Variants in ERBIN observed in about 807,000 individuals in gnomAD.
ERBIN encodes the protein densin-180-like protein.
Under a neutral mutation model 158.4 loss-of-function variants are expected in ERBIN, and 60 were observed. That is an observed-to-expected ratio of 0.38 (90% CI 0.31 to 0.47). The LOEUF (loss-of-function observed/expected upper bound fraction) is 0.47. ERBIN is among the 20% of genes least tolerant of loss of function. The pLI is 0.99. For synonymous variants in ERBIN, 594 were observed against 557.2 expected (o/e 1.07, Z -0.93); for missense variants, 1,610 against 1,648.0 (o/e 0.98, Z 0.40).
At chr5:65,944,760 TA>T (rs1420118863) in intron 1 of ERBIN, among the ~76,000 whole-genome samples, 5 of 152,218 alleles carry the variant, frequency 3.3e-5, no homozygotes, top group Non-Finnish European at 7.3e-5. Flanking sequence ...TCTTTATATG[TA>T]CTTTTTGGCT....
intron 21 of ERBIN, among the ~76,000 whole-genome samples, chr5:66,061,130 A>G (rs1760246227): frequency 6.6e-6 from 1 of 152,098 alleles, no homozygotes; most frequent in African/African-American, 2.4e-5. Flanking sequence ...GATCTGTCTA[A>G]TGTTGACAGT....
At chr5:66,017,408 T>A (rs1259199295) in intron 7 of ERBIN, among the ~76,000 whole-genome samples, 1 of 152,094 alleles carries the variant, frequency 6.6e-6, no homozygotes, top group Non-Finnish European at 1.5e-5. Context: ...TGATATTTCA[T>A]TGTAGTTTTC....
At chr5:65,983,395 ATTAC>A (rs1750860830) in intron 1 of ERBIN, among the ~76,000 whole-genome samples, 2 of 151,924 alleles carry the variant, frequency 1.3e-5, no homozygotes, top group African/African-American at 4.8e-5. Context: ...TAATTTTTTC[ATTAC>A]TTAAGTTCAA....
At chr5:65,958,295 C>T (rs865855115) in intron 1 of ERBIN, among the ~76,000 whole-genome samples, 8 of 152,120 alleles carry the variant, frequency 5.3e-5, no homozygotes, top group Non-Finnish European at 1.0e-4. Flanking sequence ...TTGTCGCAAG[C>T]CGAGATCACG....
chr5:66,057,798 G>A (rs987992770), intron 21 of ERBIN, among the ~76,000 whole-genome samples: 4 of 149,356 alleles, frequency 2.7e-5, no homozygotes, highest in Admixed American at 1.3e-4. Context: ...GAGAACATGC[G>A]GTGTTTGGTT....
At chr5:65,985,391 G>A (rs1474604278) in intron 1 of ERBIN, among the ~76,000 whole-genome samples, 2 of 152,172 alleles carry the variant, frequency 1.3e-5, no homozygotes, top group Admixed American at 6.5e-5. Flanking sequence ...CGCCCGGCCC[G>A]ACATTTTGTT....
intron 1 of ERBIN, among the ~76,000 whole-genome samples, chr5:65,927,696 T>A (rs1037732766): frequency 1.3e-5 from 2 of 152,238 alleles, no homozygotes; most frequent in Non-Finnish European, 1.5e-5. Context: ...GTATGGTCTT[T>A]ACATTTTTGT....
rs56278502 is a variant in ERBIN, at chr5:66,032,251, A to C, written c.1206+3908A>C. On this transcript the variant is annotated intron_variant, in intron 14 of 25. Coordinates refer to ENST00000284037, the MANE Select transcript of ERBIN (RefSeq NM_001253697.2). ...ACCTGTATTATATCTCAAGGATGGC[A>C]AATAAGATTTTTTAAAATCTTGTAC... Among the ~76,000 whole-genome samples, 374 of 152,316 alleles carry C rather than the reference A, an allele frequency of 2.5e-3. 2 individuals are homozygous for C. Among genetic ancestry groups the C allele is most frequent in the Middle Eastern group, 3.4e-3 (1 of 294 alleles).
In ERBIN at chr5:66,053,431, C is replaced by A; in HGVS notation, c.2113C>A (p.Leu705Ile). Residue 705 changes from leucine to isoleucine, a missense_variant, in exon 21 of 26, where the codon CTT becomes ATT. By Grantham distance (5) the Leu-to-Ile change is conservative. This residue lies in a region of ERBIN where 1,014 missense variants were observed against 936.1 expected (regional missense o/e 1.08). Transcript: ENST00000284037. ...IRQEDENFNS[L>I]LQNGDILNSS... ...GCAAGAAGATGAAAATTTTAACAGC[C>A]TTTTACAAAATGGAGATATTTTAAA... is the stretch of plus-strand genomic sequence containing the variant. 6.7e-7 allele frequency: 1 copy of A among 1,484,304 alleles called. No individual in the cohort carries two copies. Among genetic ancestry groups the A allele is most frequent in the South Asian group, 1.5e-5 (1 of 65,182 alleles). 91.9% of individuals were successfully genotyped at this position (1,484,304 alleles called of 1,614,324 possible). A position where few individuals can be genotyped will look rare whatever the true frequency, so the allele number is the denominator to read the frequency against.
chr5:66,060,172 C>CT (rs1210484478), intron 21 of ERBIN, among the ~76,000 whole-genome samples: 4 of 152,022 alleles, frequency 2.6e-5, no homozygotes, highest in Non-Finnish European at 4.4e-5. Context: ...TGGTCCTGGA[C>CT]TTTTTTTGGT....
At chr5:65,999,664 A>G (rs1580304628) in intron 4 of ERBIN, among the ~76,000 whole-genome samples, 1 of 152,074 alleles carries the variant, frequency 6.6e-6, no homozygotes, top group East Asian at 1.9e-4. Context: ...TTTGCTCATG[A>G]TTTTCATGAC....
At chr5:65,929,734 G>A (rs147889642) in intron 1 of ERBIN, among the ~76,000 whole-genome samples, 6 of 148,408 alleles carry the variant, frequency 4.0e-5, no homozygotes, top group Non-Finnish European at 5.9e-5. Flanking sequence ...TCCACCTCCC[G>A]GGTTCCAGCG....
intron 6 of ERBIN, among the ~76,000 whole-genome samples, chr5:66,014,260 G>C (rs889633769): frequency 6.6e-6 from 1 of 152,108 alleles, no homozygotes; most frequent in African/African-American, 2.4e-5. Context: ...TTAGTGGAAT[G>C]TACATCAATG....
At chr5:65,960,743 T>C (rs773494167) in intron 1 of ERBIN, among the ~76,000 whole-genome samples, 22 of 152,170 alleles carry the variant, frequency 1.4e-4, no homozygotes, top group Non-Finnish European at 2.4e-4. Flanking sequence ...CTTGGGGAAA[T>C]TTCAAGCAAG....
intron 1 of ERBIN, among the ~76,000 whole-genome samples, chr5:65,952,201 TC>T (rs934313001): frequency 1.8e-4 from 27 of 152,072 alleles, no homozygotes; most frequent in Middle Eastern, 3.4e-3. Flanking sequence ...GCTTTTTTTT[TC>T]CCCCCAACTT....
intron 25 of ERBIN, among the ~76,000 whole-genome samples, chr5:66,077,701 C>A (rs1762113841): frequency 1.3e-5 from 2 of 150,922 alleles, no homozygotes; most frequent in African/African-American, 2.4e-5. Context: ...TCATAATTTG[C>A]TACATTGTCT....
Position 66,075,008 on chromosome 5 carries a change from T to C in ERBIN, c.3757-16T>C. 2.5e-6 allele frequency: 4 copies of C among 1,611,352 alleles called. No homozygotes were observed. Among genetic ancestry groups the C allele is most frequent in the Non-Finnish European group, 3.4e-6 (4 of 1,177,458 alleles). Reference sequence around the variant, plus strand: ...ATTATTATTGGTCATTTTAAGATACTTCATGTTTTTCTTAGATGCCTTTGA... The same window carrying C: ...ATTATTATTGGTCATTTTAAGATACCTCATGTTTTTCTTAGATGCCTTTGA... On this transcript the variant is annotated splice_polypyrimidine_tract_variant and intron_variant, in intron 22 of 25. Transcript: ENST00000284037.
At chr5:66,015,600 C>T (rs1754631335) in intron 7 of ERBIN, among the ~76,000 whole-genome samples, 1 of 152,072 alleles carries the variant, frequency 6.6e-6, no homozygotes, top group Admixed American at 6.6e-5. Context: ...AAAAATTTGC[C>T]AACTCATGTT....
chr5:65,948,771 T>G (rs1041383667), intron 1 of ERBIN, among the ~76,000 whole-genome samples: 1 of 144,722 alleles, frequency 6.9e-6, no homozygotes, highest in Admixed American at 6.8e-5. Flanking sequence ...CGTTTTTTTT[T>G]TTTTTTTTTT....
Sources: gnomAD v4.1 joint callset for allele counts (sites outside exome capture counted in the v4.1 genomes callset) on GRCh38, gnomAD v4.1.1 for gene constraint, gnomAD v4.1.1 regional missense constraint, MANE v1.5 for transcripts, NCBI Gene and HGNC (gene_info 2026-07-23, HGNC 2026-07-21) for gene names.